EXOC3L4: variants seen among roughly 807,000 people sequenced by gnomAD.
The protein encoded by EXOC3L4 is exocyst complex component 3 like 4.
Under a neutral mutation model 69.7 loss-of-function variants are expected in EXOC3L4, and 62 were observed. The ratio of observed to expected loss-of-function variants is 0.89; its 90% confidence interval spans 0.72 to 1.10. The LOEUF (loss-of-function observed/expected upper bound fraction) is 1.10, where lower values mean the gene tolerates loss of function less well. EXOC3L4 is among the 50% of genes least tolerant of loss of function. EXOC3L4 has a pLI of 0.00. For synonymous variants in EXOC3L4, 502 were observed against 464.2 expected (o/e 1.08, Z -1.05); for missense variants, 1,087 against 1,034.8 (o/e 1.05, Z -0.69).
In EXOC3L4 at chr14:103,110,126, C is replaced by T. The variant is rs1367365643; in HGVS notation, c.2072C>T (p.Ala691Val). The stretch of plus-strand genomic sequence containing the variant: ...CACACTCAAGACCTGCTGAGAGCTG[C>T]GGCCGGGGCGGCGGGTGCGGAGGCC... ...LQHTQDLLRA[A>V]AGAAGAEAPR... Residue 691 changes from alanine (A) to valine (V), a missense_variant, in exon 12 of 12, where the codon GCG becomes GTG. Physicochemically the swap from Ala to Val is moderately conservative, Grantham distance 64. Coordinates refer to ENST00000688303, the MANE Select transcript of EXOC3L4 (RefSeq NM_001077594.2). 19 of 1,555,774 alleles carry T rather than the reference C, an allele frequency of 1.2e-5. No individual in the cohort carries two copies. The highest frequency in any genetic ancestry group is 1.5e-5 in the Non-Finnish European group (17 of 1,150,138).
chr14:103,106,119 C>G (rs527443255), intron 7 of EXOC3L4, among the ~76,000 whole-genome samples: 3 of 152,374 alleles, frequency 2.0e-5, no homozygotes, highest in African/African-American at 7.2e-5. Flanking sequence ...AGTATACCCA[C>G]GCACAGGTGC....
At position 103,100,465 on chromosome 14, in the gene EXOC3L4, C is replaced by T; in HGVS notation, c.246C>T (p.Ser82=). ...GCCTGTTCCGGCGAAGCTCCTGCTC[C>T]CTGTTCCGGTCCTTCCGGCAAGCCC... ...DTGLFRRSSC[S]LFRSFRQALN... Residue 82 remains serine (S), a synonymous_variant, in exon 2 of 12, where the codon TCC becomes TCT. Coordinates refer to ENST00000688303, the MANE Select transcript of EXOC3L4 (RefSeq NM_001077594.2). The T allele has an allele frequency of 6.2e-7, 1 of 1,613,456 alleles. No homozygotes were observed. The highest frequency in any genetic ancestry group is 1.1e-5 in the South Asian group (1 of 91,014).
chr14:103,104,723 G>A lies in EXOC3L4; in HGVS notation c.1285-15G>A. On this transcript the variant is annotated splice_polypyrimidine_tract_variant and intron_variant, in intron 5 of 11. Transcript: ENST00000688303. Reference sequence around the variant, plus strand: ...GGGGCTGGGAGGCACGCTCAGTGCGGGGCTTCGCTCGCAGCTCGTGGCCGA... The same window carrying A: ...GGGGCTGGGAGGCACGCTCAGTGCGAGGCTTCGCTCGCAGCTCGTGGCCGA... The A allele has an allele frequency of 6.7e-7, 1 of 1,488,494 alleles. No individual in the cohort carries two copies. Among genetic ancestry groups the A allele is most frequent in the Non-Finnish European group, 8.9e-7 (1 of 1,120,638 alleles). 92.2% of individuals were successfully genotyped at this position (1,488,494 alleles called of 1,614,324 possible). A position where few individuals can be genotyped will look rare whatever the true frequency, so the allele number is the denominator to read the frequency against.
rs1384158880 is a variant in EXOC3L4 at position 103,097,991 on chromosome 14, G to C, written c.-16-2213G>C. Reference sequence around the variant, plus strand: ...AACCATGGAAGGGCTTAAAGCAGGGGAGTGACCTGGCTGGACTTTTGCTTT... The same window carrying C: ...AACCATGGAAGGGCTTAAAGCAGGGCAGTGACCTGGCTGGACTTTTGCTTT... On this transcript the variant is annotated intron_variant, in intron 1 of 11. Coordinates refer to ENST00000688303, the MANE Select transcript of EXOC3L4 (RefSeq NM_001077594.2). The surrounding 1 kb of genome is among the most constrained non-coding windows in gnomAD (Gnocchi z 4.9). Among the ~76,000 whole-genome samples the C allele has an allele frequency of 2.0e-5, 3 of 152,214 alleles. No homozygotes were observed. The highest frequency in any genetic ancestry group is 6.5e-5 in the Admixed American group (1 of 15,302).
chr14:103,100,107 G>A (rs1890086964), intron 1 of EXOC3L4, 97 bp from the exon 2 acceptor site: 2 of 1,326,732 alleles, frequency 1.5e-6, no homozygotes, highest in African/African-American at 1.5e-5. Context: ...CTCCTCTGGA[G>A]AGCCTTCCTT....
chr14:103,104,158 C>T (rs1890393455), intron 4 of EXOC3L4, 106 bp downstream of exon 4: 1 of 1,446,846 alleles, frequency 6.9e-7, no homozygotes, highest in South Asian at 1.5e-5. Flanking sequence ...TCTGGTTCAC[C>T]CTGTGGCCCC....
chr14:103,104,457 C>G, intron 5 of EXOC3L4, 68 bp downstream of exon 5: 1 of 1,438,512 alleles, frequency 7.0e-7, no homozygotes, highest in Non-Finnish European at 9.1e-7. Flanking sequence ...TGGCGATTTC[C>G]AGAACGAATT....
At chr14:103,100,652 C>T (rs373269160) in intron 2 of EXOC3L4, 39 bp downstream of exon 2, 39 of 1,565,054 alleles carry the variant, frequency 2.5e-5, no homozygotes, top group Admixed American at 7.3e-5. Context: ...TGAAAGGAAA[C>T]GGGCCAGAGG....
Position 103,102,417 on chromosome 14 carries a change from G to A in EXOC3L4, c.694G>A (p.Gly232Ser). 2.0e-6 allele frequency: 3 copies of A among 1,530,790 alleles called. No homozygotes were observed. Among genetic ancestry groups the A allele is most frequent in the East Asian group, 2.6e-5 (1 of 39,212 alleles). 94.8% of individuals were successfully genotyped at this position (1,530,790 alleles called of 1,614,324 possible). The change falls in exon 3 of 12, where the codon GGC (glycine) becomes AGC (serine). Residue 232 changes from glycine (G) to serine (S), a missense_variant. Transcript: ENST00000688303. Reference protein sequence around the residue: ...EEAHPSPPDDGDFLRTPRRWR... With the variant: ...EEAHPSPPDDSDFLRTPRRWR... ...AGCCCACCCTTCTCCCCCCGACGACGGCGACTTCCTGCGCACGCCGCGCCG... is the reference window on the plus strand; with the variant it reads ...AGCCCACCCTTCTCCCCCCGACGACAGCGACTTCCTGCGCACGCCGCGCCG...
intron 2 of EXOC3L4, 89 bp downstream of exon 2, chr14:103,100,702 C>T (rs1595237950): frequency 7.0e-7 from 1 of 1,431,166 alleles, no homozygotes; most frequent in East Asian, 2.4e-5. Flanking sequence ...AGGCTGTCCT[C>T]CCTAGCTCCC....
At chr14:103,102,003 C>G in intron 2 of EXOC3L4, 115 bp from the exon 3 acceptor site, 1 of 1,131,712 alleles carries the variant, frequency 8.8e-7, no homozygotes, top group Non-Finnish European at 1.2e-6. Context: ...GCTGGGGCAT[C>G]TGGCAGAGGA....
intron 10 of EXOC3L4, among the ~76,000 whole-genome samples, chr14:103,108,047 G>T (rs1054206234): frequency 1.3e-5 from 2 of 152,288 alleles, no homozygotes; most frequent in Admixed American, 1.3e-4. Flanking sequence ...CAGGGCCTTT[G>T]GGAGGTGTCC....
Position 103,104,376 on chromosome 14 carries a change from T to C in EXOC3L4, c.1271T>C (p.Met424Thr). Reference protein sequence around the residue: ...LQGLYQAPLSMDVHMLVAEHV... With the variant: ...LQGLYQAPLSTDVHMLVAEHV... ...GGCCTCTACCAGGCGCCGCTGTCCA[T>C]GGACGTCCATATGGTGCGGCCCGGG... Residue 424 changes from methionine (M) to threonine (T), a missense_variant, in exon 5 of 12, where the codon ATG (methionine) becomes ACG (threonine). Transcript: ENST00000688303. The C allele has an allele frequency of 6.3e-7, 1 of 1,582,816 alleles. No homozygotes were observed.
chr14:103,094,387 C>G (rs552825831), upstream of EXOC3L4, among the ~76,000 whole-genome samples: 19 of 152,324 alleles, frequency 1.2e-4, no homozygotes, highest in African/African-American at 2.2e-4. Flanking sequence ...GGCTCCGGCA[C>G]TGTGGGCTGA....
intron 1 of EXOC3L4, among the ~76,000 whole-genome samples, chr14:103,099,837 G>A (rs1007108347): frequency 1.3e-5 from 2 of 152,222 alleles, no homozygotes; most frequent in Non-Finnish European, 2.9e-5. Flanking sequence ...CCTGCCCTCG[G>A]GTGTTGTGAG....
intron 5 of EXOC3L4, 38 bp downstream of exon 5, chr14:103,104,427 T>C: frequency 6.6e-7 from 1 of 1,504,616 alleles, no homozygotes; most frequent in Non-Finnish European, 8.9e-7. Context: ...GGGGCGTCTG[T>C]TCAAGCCTCA....
At chr14:103,107,815 G>A (rs1177465280) in intron 10 of EXOC3L4, 32 bp downstream of exon 10, 9 of 1,478,914 alleles carry the variant, frequency 6.1e-6, no homozygotes, top group East Asian at 5.0e-5. Flanking sequence ...TTCGGTGCTC[G>A]CCTCTGTGTG....
intron 11 of EXOC3L4, among the ~76,000 whole-genome samples, 191 bp from the exon 12 acceptor site, chr14:103,109,840 G>A (rs1890820377): frequency 6.7e-6 from 1 of 149,766 alleles, no homozygotes; most frequent in Non-Finnish European, 1.5e-5. Context: ...CAGCTATGGT[G>A]TCCCCCAGGC....
At chr14:103,099,658 C>CCCATGGGG (rs1890065448) in intron 1 of EXOC3L4, among the ~76,000 whole-genome samples, 1 of 152,184 alleles carries the variant, frequency 6.6e-6, no homozygotes, top group African/African-American at 2.4e-5. Context: ...GGGGTGGGCT[C>CCCATGGGG]CCATGGGGGT....
Sources: allele counts gnomAD v4.1 joint callset (sites outside exome capture counted in the v4.1 genomes callset), GRCh38; gene constraint gnomAD v4.1.1; non-coding constraint Gnocchi (gnomAD v3.1); transcripts MANE v1.5; gene names NCBI Gene and HGNC (gene_info 2026-07-23, HGNC 2026-07-21).